Variants in RSPO2 observed in about 807,000 individuals in gnomAD.
RSPO2 encodes the protein R-spondin 2, also known as R-spondin-2.
In RSPO2, 14 loss-of-function variants were observed where a neutral mutation model predicts 30.9. The observed-to-expected ratio is 0.45, with a 90% CI of 0.30 to 0.71. RSPO2 has a LOEUF of 0.71. RSPO2 is among the 30% of genes least tolerant of loss of function. The pLI, the probability that RSPO2 is intolerant of heterozygous loss-of-function variation, is 0.08. For synonymous variants in RSPO2, 107 were observed against 96.4 expected (o/e 1.11, Z -0.64); for missense variants, 264 against 301.9 (o/e 0.87, Z 0.93).
At chr8:108,033,900 G>A (rs1407742344) in intron 2 of RSPO2, among the ~76,000 whole-genome samples, 10 of 152,102 alleles carry the variant, frequency 6.6e-5, no homozygotes, top group Admixed American at 6.6e-4. Context: ...ACAACCCACT[G>A]GCAACACCCT....
In RSPO2 at chr8:108,058,822, C is replaced by T. The variant is rs567563101; in HGVS notation, c.94+23723G>A. Among the ~76,000 whole-genome samples, 23 of 151,814 alleles carry T rather than the reference C, an allele frequency of 1.5e-4. 1 individual carries two copies. Among genetic ancestry groups the T allele is most frequent in the African/African-American group, 4.9e-4 (20 of 41,124 alleles). ...GTAGAAAGCTGAAACCGGATCCCTT[C>T]GTTACACCTTATATAAAAATTAATT... On this transcript the variant is annotated intron_variant, in intron 2 of 5. Transcript: ENST00000276659.
intron 2 of RSPO2, among the ~76,000 whole-genome samples, chr8:108,047,047 GA>G (rs1811926932): frequency 6.6e-6 from 1 of 152,210 alleles, no homozygotes; most frequent in South Asian, 2.1e-4. Flanking sequence ...GTCAGAAGCA[GA>G]AAGTAGCACG....
At position 107,900,375 on chromosome 8, in the gene RSPO2, T is replaced by G. The variant is rs144777148; in HGVS notation, c.*700A>C. 6.6e-6 allele frequency: 1 copy of G among 150,848 alleles called. No homozygotes were observed. Among genetic ancestry groups the G allele is most frequent in the Non-Finnish European group, 1.5e-5 (1 of 67,708 alleles). The allele number at this position is 150,848 out of a possible 1,614,324, so 9.3% of individuals were successfully genotyped here. ...AAGTTTCAAGAGGCAACAAAACAAG[T>G]GTCAATTCCCCAAACTAGAAAAGTC... On this transcript the variant is annotated 3_prime_UTR_variant, in exon 6 of 6. Coordinates refer to ENST00000276659, the MANE Select transcript of RSPO2 (RefSeq NM_178565.5).
chr8:107,958,478 C>T lies in RSPO2; in HGVS notation c.428-210G>A, dbSNP rs73700343. 6.9e-3 allele frequency among the ~76,000 whole-genome samples: 1,053 copies of T among 152,234 alleles called. 8 individuals are homozygous for T. The highest frequency in any genetic ancestry group is 0.024 in the African/African-American group (995 of 41,550). On this transcript the variant is annotated intron_variant, in intron 4 of 5. Transcript: ENST00000276659. ...ATAAGATATTTCTATCAAAAAAAAG[C>T]TGTTACTTTCCATTTGTCTTAGTTC...
chr8:107,924,849 C>CAG (rs1812305576), intron 5 of RSPO2, among the ~76,000 whole-genome samples: 1 of 138,790 alleles, frequency 7.2e-6, no homozygotes, highest in African/African-American at 2.6e-5. Context: ...CACACACACA[C>CAG]AAAATAAGTT....
At chr8:107,934,143 C>T (rs1812640958) in intron 5 of RSPO2, among the ~76,000 whole-genome samples, 1 of 152,156 alleles carries the variant, frequency 6.6e-6, no homozygotes, top group East Asian at 1.9e-4. Context: ...TGTCGTAAGG[C>T]TAGTACTCAT....
chr8:107,935,881 TAG>T (rs1456860867), intron 5 of RSPO2, among the ~76,000 whole-genome samples: 15 of 152,178 alleles, frequency 9.9e-5, no homozygotes, highest in Non-Finnish European at 1.6e-4. Context: ...GTTACATGCA[TAG>T]ACTGTGTAAT....
intron 2 of RSPO2, among the ~76,000 whole-genome samples, chr8:108,065,776 G>A (rs13277800): frequency 0.25 from 38,494 of 151,970 alleles, 5,041 homozygotes; most frequent in East Asian, 0.43. Flanking sequence ...GGTAGCTCAC[G>A]TCTGTAATCC....
intron 2 of RSPO2, among the ~76,000 whole-genome samples, chr8:108,001,396 T>C (rs1815243644): frequency 6.6e-6 from 1 of 152,162 alleles, no homozygotes; most frequent in African/African-American, 2.4e-5. Context: ...AACCAAGCCC[T>C]ATAAGAATTA....
chr8:107,926,208 G>T (rs1487518116), intron 5 of RSPO2, among the ~76,000 whole-genome samples: 1 of 152,170 alleles, frequency 6.6e-6, no homozygotes, highest in African/African-American at 2.4e-5. Flanking sequence ...GTCTTCTTTT[G>T]AGAAGTGTCT....
At chr8:108,049,119 G>A (rs963102346) in intron 2 of RSPO2, among the ~76,000 whole-genome samples, 10 of 151,850 alleles carry the variant, frequency 6.6e-5, no homozygotes, top group African/African-American at 1.5e-4. Context: ...ACTGGGGGAC[G>A]GATAGCATTA....
intron 5 of RSPO2, among the ~76,000 whole-genome samples, chr8:107,951,557 T>C (rs618008): frequency 0.042 from 6,334 of 152,250 alleles, 171 homozygotes; most frequent in South Asian, 0.065. Flanking sequence ...GCTTACTGCA[T>C]AGAACTTTGG....
chr8:107,905,030 A>T (rs896606703), intron 5 of RSPO2, among the ~76,000 whole-genome samples: 1 of 152,120 alleles, frequency 6.6e-6, no homozygotes, highest in Admixed American at 6.6e-5. Flanking sequence ...AGAATCAGAA[A>T]CAGGGTAGAT....
chr8:108,010,687 G>T (rs1285370430), intron 2 of RSPO2, among the ~76,000 whole-genome samples: 1 of 152,188 alleles, frequency 6.6e-6, no homozygotes, highest in East Asian at 1.9e-4. Context: ...GATCAGTAAG[G>T]TCAGCACACG....
At chr8:108,041,430 A>G (rs1002182700) in intron 2 of RSPO2, among the ~76,000 whole-genome samples, 1 of 152,146 alleles carries the variant, frequency 6.6e-6, no homozygotes, top group Non-Finnish European at 1.5e-5. Context: ...AAGAGATCAT[A>G]TCCAAGAACA....
At chr8:107,975,426 T>C (rs191385788) in intron 3 of RSPO2, among the ~76,000 whole-genome samples, 13 of 152,360 alleles carry the variant, frequency 8.5e-5, no homozygotes, top group Non-Finnish European at 1.3e-4. Context: ...TACATACTAA[T>C]TGACTTTCAT....
intron 5 of RSPO2, among the ~76,000 whole-genome samples, chr8:107,937,314 A>G (rs908778190): frequency 6.6e-5 from 10 of 151,852 alleles, no homozygotes; most frequent in African/African-American, 2.2e-4. Flanking sequence ...AAGTCTGTGG[A>G]TTTATTTCTG....
intron 5 of RSPO2, among the ~76,000 whole-genome samples, chr8:107,953,909 A>G (rs1813332359): frequency 6.6e-6 from 1 of 152,162 alleles, no homozygotes; most frequent in African/African-American, 2.4e-5. Context: ...TGACCCATTC[A>G]CTAGCTCCCT....
chr8:107,906,381 A>T (rs1367767502), intron 5 of RSPO2, among the ~76,000 whole-genome samples: 1 of 151,254 alleles, frequency 6.6e-6, no homozygotes, highest in Non-Finnish European at 1.5e-5. Flanking sequence ...TATTTTAGAA[A>T]TAGCATTTTA....
Sources: gnomAD v4.1 joint callset for allele counts (sites outside exome capture counted in the v4.1 genomes callset) on GRCh38, gnomAD v4.1.1 for gene constraint, MANE v1.5 for transcripts, NCBI Gene and HGNC (gene_info 2026-07-23, HGNC 2026-07-21) for gene names.